The following ELMO1 variants were observed in gnomAD, a reference collection of about 807,000 sequenced individuals.
ELMO1 encodes engulfment and cell motility 1.
Under a neutral mutation model 98.9 loss-of-function variants are expected in ELMO1, and 26 were observed. The observed-to-expected ratio is 0.26, with a 90% confidence interval of 0.19 to 0.36. The LOEUF (loss-of-function observed/expected upper bound fraction) is 0.36. ELMO1 is among the 10% of genes least tolerant of loss of function. The pLI, the probability that ELMO1 is intolerant of heterozygous loss-of-function variation, is 1.00. For synonymous variants in ELMO1, 346 were observed against 346.0 expected, an observed-to-expected ratio of 1.00 and a Z score of 0.00; for missense variants, 627 against 935.2, an observed-to-expected ratio of 0.67 and a Z score of 4.30.
chr7:36,887,457 G>T, intron 18 of ELMO1, 103 bp downstream of exon 18: 1 of 1,015,268 alleles, frequency 9.8e-7, no homozygotes, highest in Non-Finnish European at 1.5e-6. Flanking sequence ...TGAGTACAAT[G>T]CTGCATGGCC....
Position 37,408,013 on chromosome 7 carries a change from C to A in ELMO1, c.-74+40662G>T, listed in dbSNP as rs61571836. On this transcript the variant is annotated intron_variant, in intron 1 of 21. Transcript: ENST00000310758. Reference sequence around the variant, plus strand: ...TTATTAATTTTAAAAATAGTAACTTCAAAAAATTGTGTCAAGTCTGTAAGT... The same window carrying A: ...TTATTAATTTTAAAAATAGTAACTTAAAAAAATTGTGTCAAGTCTGTAAGT... 9.6e-3 allele frequency among the ~76,000 whole-genome samples: 1,457 copies of A among 152,008 alleles called. 21 individuals carry two copies. Among genetic ancestry groups the A allele is most frequent in the African/African-American group, 0.033 (1,382 of 41,480 alleles).
intron 13 of ELMO1, among the ~76,000 whole-genome samples, chr7:37,176,372 A>G (rs1355089445): frequency 6.6e-6 from 1 of 152,250 alleles, no homozygotes; most frequent in African/African-American, 2.4e-5. Flanking sequence ...CACAAATAAA[A>G]CAAAACAAAA....
At chr7:37,418,354 A>ATC (rs1056769862) in intron 1 of ELMO1, among the ~76,000 whole-genome samples, 7 of 152,180 alleles carry the variant, frequency 4.6e-5, no homozygotes, top group African/African-American at 1.7e-4. Flanking sequence ...CAGCTCAGGC[A>ATC]TCTCTGCTCC....
chr7:37,367,262 C>G (rs753975498), intron 1 of ELMO1, among the ~76,000 whole-genome samples: 9 of 152,214 alleles, frequency 5.9e-5, no homozygotes, highest in East Asian at 3.8e-4. Flanking sequence ...CACACACATT[C>G]CCAGTAATCC....
At chr7:37,432,388 C>T (rs1731999) in intron 1 of ELMO1, among the ~76,000 whole-genome samples, 142,228 of 152,280 alleles carry the variant, frequency 0.93, 67,062 homozygotes, top group Non-Finnish European at 1. Flanking sequence ...GGTCTGAGAA[C>T]GTGGTTCCAA....
rs116255256 is a variant in ELMO1, at chr7:37,006,877, G to A, written c.1437+6422C>T. 7.3e-3 allele frequency among the ~76,000 whole-genome samples: 1,116 copies of A among 152,290 alleles called. 12 individuals carry two copies. Among genetic ancestry groups the A allele is most frequent in the African/African-American group, 0.026 (1,074 of 41,550 alleles). ...AACATACACTTATTGAAAAAGATAA[G>A]TTACCAAAGTCACTTTCCCGGTCTT... On this transcript the variant is annotated intron_variant, in intron 16 of 21. Coordinates refer to ENST00000310758, the MANE Select transcript of ELMO1 (RefSeq NM_014800.11).
chr7:36,876,214 T>C (rs1219275427), intron 19 of ELMO1, among the ~76,000 whole-genome samples: 7 of 152,176 alleles, frequency 4.6e-5, no homozygotes. Flanking sequence ...CACCAGTTAA[T>C]AGCAAATGCA....
intron 1 of ELMO1, among the ~76,000 whole-genome samples, chr7:37,403,350 G>A (rs576271438): frequency 1.3e-5 from 2 of 152,206 alleles, no homozygotes; most frequent in African/African-American, 4.8e-5. Flanking sequence ...TGGAAGCCAA[G>A]GTTTGAGACC....
At chr7:36,869,049 C>T (rs1203461440) in intron 20 of ELMO1, among the ~76,000 whole-genome samples, 2 of 152,346 alleles carry the variant, frequency 1.3e-5, no homozygotes, top group East Asian at 3.9e-4. Context: ...AGATTTGCTG[C>T]TATAGCTAAG....
At chr7:37,248,517 C>A (rs938212232) in intron 6 of ELMO1, among the ~76,000 whole-genome samples, 19 of 152,212 alleles carry the variant, frequency 1.2e-4, no homozygotes, top group Non-Finnish European at 2.2e-4. Flanking sequence ...GCCTCTTTGG[C>A]CTTTGTGATG....
At chr7:36,894,198 T>C (rs1805790125) in intron 17 of ELMO1, among the ~76,000 whole-genome samples, 1 of 152,200 alleles carries the variant, frequency 6.6e-6, no homozygotes, top group Admixed American at 6.5e-5. Flanking sequence ...ATACCCCTCA[T>C]GTGTGAGTTC....
Position 37,023,626 on chromosome 7 carries a change from G to C in ELMO1, c.1301-10191C>G, listed in dbSNP as rs1794404510. Among the ~76,000 whole-genome samples, 4 of 151,860 alleles carry C rather than the reference G, an allele frequency of 2.6e-5. No homozygotes were observed. In the South Asian group the frequency reaches 8.3e-4, roughly 32 times the overall value. ...TATATGCATGCATTTTGTTTTTTTT[G>C]AGATGGAGTCTTGCTCTGTCACCCA... On this transcript the variant is annotated intron_variant, in intron 15 of 21. Transcript: ENST00000310758.
At chr7:37,429,315 G>A (rs182880973) in intron 1 of ELMO1, 1 of 152,196 alleles carries the variant, frequency 6.6e-6, no homozygotes, top group African/African-American at 2.4e-5. Context: ...ATCCATTCCG[G>A]GTGCTGCAGA....
At chr7:37,153,283 G>C (rs1321164494) in intron 13 of ELMO1, among the ~76,000 whole-genome samples, 1 of 152,152 alleles carries the variant, frequency 6.6e-6, no homozygotes, top group Non-Finnish European at 1.5e-5. Flanking sequence ...ACTGGGACTG[G>C]TTGAATAGTG....
At position 37,108,199 on chromosome 7, in the gene ELMO1, A is replaced by G. The variant is rs182592221; in HGVS notation, c.1192-11472T>C. Among the ~76,000 whole-genome samples, 233 of 152,236 alleles carry G rather than the reference A, an allele frequency of 1.5e-3. 9 individuals carry two copies. The East Asian group carries it at 0.027, about 17-fold the overall frequency. On this transcript the variant is annotated intron_variant, in intron 14 of 21. Transcript: ENST00000310758. ...AATGGAGTTCATCTCATCACATCTCATTCTGTGTATGAATCATAAATCTTG... is the reference window on the plus strand; with the variant it reads ...AATGGAGTTCATCTCATCACATCTCGTTCTGTGTATGAATCATAAATCTTG...
intron 14 of ELMO1, among the ~76,000 whole-genome samples, chr7:37,111,458 G>T (rs1054174059): frequency 1.2e-4 from 18 of 152,192 alleles, no homozygotes; most frequent in African/African-American, 4.3e-4. Flanking sequence ...GCCACAGCAG[G>T]AGTATTGATA....
intron 1 of ELMO1, among the ~76,000 whole-genome samples, chr7:37,427,085 G>A (rs1005925811): frequency 6.6e-6 from 1 of 152,102 alleles, no homozygotes; most frequent in Non-Finnish European, 1.5e-5. Flanking sequence ...AGACAATACA[G>A]TAGTTCAGAC....
chr7:37,209,631 A>G (rs866067728), intron 13 of ELMO1, among the ~76,000 whole-genome samples: 66 of 152,282 alleles, frequency 4.3e-4, no homozygotes, highest in Middle Eastern at 6.8e-3. Flanking sequence ...GATTTCGCAA[A>G]GCCTCCCAAG....
intron 15 of ELMO1, among the ~76,000 whole-genome samples, chr7:37,082,948 C>T (rs1783553059): frequency 6.6e-6 from 1 of 152,156 alleles, no homozygotes; most frequent in Non-Finnish European, 1.5e-5. Flanking sequence ...CACTCAAGAA[C>T]AGGTGACAAC....
Sources: gnomAD v4.1 joint callset for allele counts (sites outside exome capture counted in the v4.1 genomes callset) on GRCh38, gnomAD v4.1.1 for gene constraint, MANE v1.5 for transcripts, NCBI Gene and HGNC (gene_info 2026-07-23, HGNC 2026-07-21) for gene names.